TPD52: variants seen among roughly 807,000 people sequenced by gnomAD.
The protein encoded by TPD52 is prostate and colon associated protein.
A neutral mutation model predicts 31.3 loss-of-function variants in TPD52; 17 were observed. That is an observed-to-expected ratio of 0.54 (90% CI 0.37 to 0.82). TPD52 has a LOEUF of 0.82. TPD52 is among the 40% of genes least tolerant of loss of function. TPD52 has a pLI of 0.00. For synonymous variants in TPD52, 83 were observed against 89.6 expected, an observed-to-expected ratio of 0.93 and a Z score of 0.42; for missense variants, 212 against 240.1, an observed-to-expected ratio of 0.88 and a Z score of 0.77.
At chr8:80,076,630 T>C (rs889055046) in intron 1 of TPD52, among the ~76,000 whole-genome samples, 1 of 152,134 alleles carries the variant, frequency 6.6e-6, no homozygotes, top group African/African-American at 2.4e-5. Flanking sequence ...TGTTTACCCA[T>C]ATAAGAAGCC....
At chr8:80,070,863 C>A (rs1813695261) in intron 1 of TPD52, among the ~76,000 whole-genome samples, 1 of 152,122 alleles carries the variant, frequency 6.6e-6, no homozygotes. Flanking sequence ...ATGAATGTGT[C>A]TTTATTTGGA....
chr8:80,065,557 C>T (rs1813046668), intron 1 of TPD52, among the ~76,000 whole-genome samples: 1 of 152,016 alleles, frequency 6.6e-6, no homozygotes, highest in East Asian at 1.9e-4. Flanking sequence ...GGCACCCCAA[C>T]CTTGGGTGCA....
rs57456374 is a variant in TPD52, at chr8:80,152,780, C to CAAAAAAAAAAAAAAAA, written c.19+18629_19+18644dup. Among the ~76,000 whole-genome samples the CAAAAAAAAAAAAAAAA allele has an allele frequency of 1.7e-4, 14 of 83,524 alleles. 2 individuals carry two copies. Among genetic ancestry groups the CAAAAAAAAAAAAAAAA allele is most frequent in the African/African-American group, 3.1e-4 (6 of 19,430 alleles). 54.8% of individuals were successfully genotyped at this position (83,524 alleles called of 152,430 possible). A position where few individuals can be genotyped will look rare whatever the true frequency, so the allele number is the denominator to read the frequency against. ...TGGGCGAAAGTGTGAGACTCCGTCTCAAAAAAAAAAAAAAAAAATGCCAGG... is the reference window on the plus strand; with the variant it reads ...TGGGCGAAAGTGTGAGACTCCGTCTCAAAAAAAAAAAAAAAAAAAAAAAAAAAAAAAAAATGCCAGG... On this transcript the variant is annotated intron_variant, in intron 1 of 7. Transcript: ENST00000518937.
At chr8:80,151,541 T>A (rs1002867970) in intron 1 of TPD52, among the ~76,000 whole-genome samples, 5 of 152,188 alleles carry the variant, frequency 3.3e-5, no homozygotes, top group Non-Finnish European at 7.3e-5. Context: ...ATAATCATAT[T>A]GAAACTTTAA....
intron 1 of TPD52, among the ~76,000 whole-genome samples, chr8:80,075,481 T>A (rs1014830872): frequency 4.6e-5 from 7 of 151,954 alleles, no homozygotes; most frequent in Non-Finnish European, 1.0e-4. Context: ...ACAGAAAGAG[T>A]GGACAAAGAA....
intron 1 of TPD52, among the ~76,000 whole-genome samples, chr8:80,138,407 T>C (rs115128855): frequency 6.6e-6 from 1 of 152,168 alleles, no homozygotes; most frequent in South Asian, 2.1e-4. Flanking sequence ...ATGGGGTTCA[T>C]ATCATTTAGT....
At chr8:80,108,907 C>T (rs529308471) in intron 1 of TPD52, among the ~76,000 whole-genome samples, 1 of 152,344 alleles carries the variant, frequency 6.6e-6, no homozygotes, top group Non-Finnish European at 1.5e-5. Context: ...TTCCTCTCTA[C>T]CTGATCCTCG....
intron 7 of TPD52, among the ~76,000 whole-genome samples, chr8:80,039,397 A>G (rs1810164644): frequency 6.6e-6 from 1 of 151,926 alleles, no homozygotes; most frequent in Non-Finnish European, 1.5e-5. Context: ...ATTCTTATCC[A>G]ACTTGTTCTA....
intron 1 of TPD52, among the ~76,000 whole-genome samples, chr8:80,129,703 C>CTTTTT (rs5892709): frequency 3.1e-5 from 4 of 130,102 alleles, no homozygotes; most frequent in Non-Finnish European, 3.2e-5. Context: ...ACTCTCATTT[C>CTTTTT]TTTTTTTTTT....
In TPD52 at chr8:80,036,111, C is replaced by T. The variant is rs1011676695; in HGVS notation, c.*2005G>A. The T allele has an allele frequency of 1.3e-5, 2 of 152,068 alleles. No homozygotes were observed. The highest frequency in any genetic ancestry group is 2.9e-5 in the Non-Finnish European group (2 of 67,992). The allele number at this position is 152,068 out of a possible 1,614,324, so 9.4% of individuals were successfully genotyped here. ...CCATTATTTTCTTTCACAGCCACCC[C>T]CAATACCCACCTTCATCCACTCACC... On this transcript the variant is annotated 3_prime_UTR_variant, in exon 8 of 8. Coordinates refer to ENST00000518937, the MANE Select transcript of TPD52 (RefSeq NM_001025253.3).
intron 1 of TPD52, among the ~76,000 whole-genome samples, chr8:80,150,666 T>C (rs1313028420): frequency 6.6e-6 from 1 of 152,230 alleles, no homozygotes; most frequent in Non-Finnish European, 1.5e-5. Context: ...CTTTAAGATC[T>C]GACTGCCCCA....
At chr8:80,109,476 G>A (rs888965473) in intron 1 of TPD52, among the ~76,000 whole-genome samples, 2 of 152,046 alleles carry the variant, frequency 1.3e-5, no homozygotes, top group Admixed American at 6.6e-5. Flanking sequence ...GTGCAATCTC[G>A]GCTCACTGCA....
At chr8:80,031,870 AC>A (rs1243005925), downstream of TPD52, among the ~76,000 whole-genome samples, 1 of 150,830 alleles carries the variant, frequency 6.6e-6, no homozygotes, top group Non-Finnish European at 1.5e-5. Context: ...GTAAAAACAC[AC>A]CCCTGGCGTG....
chr8:80,060,617 C>T (rs1248060929), intron 2 of TPD52, among the ~76,000 whole-genome samples: 1 of 149,494 alleles, frequency 6.7e-6, no homozygotes, highest in Non-Finnish European at 1.5e-5. Flanking sequence ...GATTATAAAA[C>T]ATGACCAAGT....
intron 1 of TPD52, among the ~76,000 whole-genome samples, chr8:80,129,703 CTTTTTTTT>C (rs5892709): frequency 1.5e-5 from 2 of 130,104 alleles, no homozygotes; most frequent in Admixed American, 8.0e-5. Context: ...ACTCTCATTT[CTTTTTTTT>C]TTTTTTTTTT....
At chr8:80,141,524 C>T (rs929122229) in intron 1 of TPD52, among the ~76,000 whole-genome samples, 3 of 152,170 alleles carry the variant, frequency 2.0e-5, no homozygotes, top group African/African-American at 7.2e-5. Context: ...ATGACTGATG[C>T]CCCAGCCAAC....
chr8:80,142,478 C>T (rs1248166032), intron 1 of TPD52, among the ~76,000 whole-genome samples: 1 of 152,184 alleles, frequency 6.6e-6, no homozygotes, highest in African/African-American at 2.4e-5. Context: ...AGGCTGGGTA[C>T]AGTGGCTCAT....
At chr8:80,121,454 C>CA (rs1436268387) in intron 1 of TPD52, among the ~76,000 whole-genome samples, 1 of 152,176 alleles carries the variant, frequency 6.6e-6, no homozygotes, top group Admixed American at 6.5e-5. Flanking sequence ...AACGAGCTCT[C>CA]AGAGAGTTTT....
chr8:80,106,673 C>T (rs1807140387), intron 1 of TPD52, among the ~76,000 whole-genome samples: 1 of 134,460 alleles, frequency 7.4e-6, no homozygotes, highest in African/African-American at 2.8e-5. Flanking sequence ...GTAGGTCTTA[C>T]TCGTTCTATT....
Sources: gnomAD v4.1 joint callset for allele counts (sites outside exome capture counted in the v4.1 genomes callset) on GRCh38, gnomAD v4.1.1 for gene constraint, MANE v1.5 for transcripts, NCBI Gene and HGNC (gene_info 2026-07-23, HGNC 2026-07-21) for gene names.